CTNNA3: variants seen among roughly 807,000 people sequenced by gnomAD.
The protein encoded by CTNNA3 is catenin alpha-3.
CTNNA3 carries 76 observed loss-of-function variants against 95.7 expected under a neutral mutation model. That is an observed-to-expected ratio of 0.79 (90% confidence interval 0.66 to 0.96). The LOEUF (loss-of-function observed/expected upper bound fraction) is 0.96, where lower values mean the gene tolerates loss of function less well. Among genes scored for constraint, CTNNA3 ranks in the 40% least tolerant of loss-of-function variants. The pLI is 0.00. For synonymous variants in CTNNA3, 431 were observed against 374.4 expected (o/e 1.15, Z -1.74); for missense variants, 1,191 against 1,089.8 (o/e 1.09, Z -1.31).
chr10:66,736,199 T>G (rs900934113), intron 9 of CTNNA3, among the ~76,000 whole-genome samples: 1 of 152,108 alleles, frequency 6.6e-6, no homozygotes, highest in Admixed American at 6.5e-5. Flanking sequence ...TACTTTTTTT[T>G]TTTTTAGACT....
chr10:65,965,718 A>G (rs2133254420), intron 17 of CTNNA3, among the ~76,000 whole-genome samples: 1 of 151,936 alleles, frequency 6.6e-6, no homozygotes, highest in African/African-American at 2.4e-5. Flanking sequence ...TTTGATGGTG[A>G]TCCTTTGTTT....
intron 7 of CTNNA3, among the ~76,000 whole-genome samples, chr10:66,917,243 C>T (rs974394103): frequency 6.6e-6 from 1 of 152,024 alleles, no homozygotes; most frequent in Non-Finnish European, 1.5e-5. Context: ...ATTTGCTACC[C>T]GGGACTAAGT....
intron 5 of CTNNA3, among the ~76,000 whole-genome samples, chr10:67,259,741 C>T (rs1038121225): frequency 6.6e-6 from 1 of 152,154 alleles, no homozygotes; most frequent in Non-Finnish European, 1.5e-5. Flanking sequence ...CAAACATATT[C>T]TCAGTTTCTC....
chr10:66,953,001 T>C (rs1025630584), intron 7 of CTNNA3, among the ~76,000 whole-genome samples: 8 of 152,034 alleles, frequency 5.3e-5, no homozygotes, highest in African/African-American at 1.9e-4. Flanking sequence ...GAGCTATTAA[T>C]ATGATTCCCA....
intron 10 of CTNNA3, among the ~76,000 whole-genome samples, chr10:66,523,492 C>T (rs74141573): frequency 0.017 from 2,599 of 152,226 alleles, 55 homozygotes; most frequent in African/African-American, 0.049. Flanking sequence ...GAAAAATGTT[C>T]ATCCCAATGT....
chr10:67,649,552 TA>T (rs575127318), intron 1 of CTNNA3, among the ~76,000 whole-genome samples: 4 of 152,216 alleles, frequency 2.6e-5, no homozygotes, highest in South Asian at 2.1e-4. Context: ...AAAAATTACT[TA>T]AAAAAAATAA....
At position 67,426,865 on chromosome 10, in the gene CTNNA3, G is replaced by T. The variant is rs75504554; in HGVS notation, c.579+94977C>A. Among the ~76,000 whole-genome samples the T allele has an allele frequency of 3.0e-3, 459 of 151,624 alleles. 1 individual carries two copies. The highest frequency in any genetic ancestry group is 0.011 in the African/African-American group (436 of 41,398). On this transcript the variant is annotated intron_variant, in intron 5 of 17. Coordinates refer to ENST00000433211, the MANE Select transcript of CTNNA3 (RefSeq NM_013266.4). ...ACTTGCAAGGAAATCTTGAAATAAA[G>T]ATGCAATTTAAATAGCTAACTACTT...
rs895546630 is a variant in CTNNA3 at position 66,055,158 on chromosome 10, C to T, written c.2159+14150G>A. Among the ~76,000 whole-genome samples, 11 of 152,080 alleles carry T rather than the reference C, an allele frequency of 7.2e-5. No homozygotes were observed. In the South Asian group the frequency reaches 1.7e-3, roughly 23 times the overall value. On this transcript the variant is annotated intron_variant, in intron 15 of 17. Transcript: ENST00000433211. ...TATAAATTTAAGTCAGGTAATGTGA[C>T]GTCTCCAGCTTCAGTCTTTTTCTCA...
chr10:66,588,421 G>C (rs1189977579), intron 10 of CTNNA3, among the ~76,000 whole-genome samples: 1 of 152,160 alleles, frequency 6.6e-6, no homozygotes, highest in African/African-American at 2.4e-5. Context: ...CTTTCCAAGT[G>C]GGAGAGGCAG....
chr10:66,976,595 G>T (rs1386199663), intron 7 of CTNNA3, among the ~76,000 whole-genome samples: 1 of 152,096 alleles, frequency 6.6e-6, no homozygotes, highest in East Asian at 1.9e-4. Flanking sequence ...AAAGAAAAAT[G>T]GTCATATTCC....
At chr10:65,948,468 G>A (rs1227833818) in intron 17 of CTNNA3, among the ~76,000 whole-genome samples, 1 of 151,800 alleles carries the variant, frequency 6.6e-6, no homozygotes, top group African/African-American at 2.4e-5. Flanking sequence ...GTGACCCAGG[G>A]CTTGACCAAA....
intron 9 of CTNNA3, among the ~76,000 whole-genome samples, chr10:66,723,063 G>T (rs895808964): frequency 1.3e-5 from 2 of 151,604 alleles, no homozygotes; most frequent in East Asian, 2.1e-4. Flanking sequence ...TAGCCACCTT[G>T]TTGGTTTTTA....
chr10:66,553,719 G>A (rs938858422), intron 10 of CTNNA3, among the ~76,000 whole-genome samples: 4 of 151,330 alleles, frequency 2.6e-5, no homozygotes, highest in Non-Finnish European at 4.4e-5. Flanking sequence ...AGTAGAGACA[G>A]GGTTTCACCT....
intron 12 of CTNNA3, among the ~76,000 whole-genome samples, chr10:66,283,444 G>T (rs1270302780): frequency 6.6e-6 from 1 of 151,404 alleles, no homozygotes; most frequent in East Asian, 1.9e-4. Context: ...TGTAGATTTT[G>T]GCAAAAAAAG....
At chr10:66,642,555 C>A (rs1261520173) in intron 9 of CTNNA3, among the ~76,000 whole-genome samples, 1 of 152,146 alleles carries the variant, frequency 6.6e-6, no homozygotes, top group Admixed American at 6.6e-5. Context: ...AACTGCTATA[C>A]AAGCACCTGT....
chr10:66,061,919 C>G (rs2080208941), intron 15 of CTNNA3, among the ~76,000 whole-genome samples: 1 of 152,132 alleles, frequency 6.6e-6, no homozygotes, highest in Non-Finnish European at 1.5e-5. Flanking sequence ...TCTGATGTGT[C>G]AATTTGTTTC....
intron 13 of CTNNA3, among the ~76,000 whole-genome samples, chr10:66,110,774 G>C (rs1233356784): frequency 6.6e-6 from 1 of 151,986 alleles, no homozygotes; most frequent in Non-Finnish European, 1.5e-5. Context: ...TAACAATCAG[G>C]ACACATCCTG....
chr10:66,753,206 C>T (rs1482101666), intron 9 of CTNNA3, among the ~76,000 whole-genome samples: 2 of 152,116 alleles, frequency 1.3e-5, no homozygotes, highest in Non-Finnish European at 2.9e-5. Context: ...CCCAATAAAT[C>T]ACTATTTTCC....
chr10:66,509,310 A>T (rs906689546), intron 11 of CTNNA3, among the ~76,000 whole-genome samples: 1 of 152,026 alleles, frequency 6.6e-6, no homozygotes, highest in African/African-American at 2.4e-5. Flanking sequence ...TAGTTTTTAA[A>T]TATCTTCCCT....
Sources: allele counts gnomAD v4.1 joint callset (sites outside exome capture counted in the v4.1 genomes callset), GRCh38; gene constraint gnomAD v4.1.1; transcripts MANE v1.5; gene names NCBI Gene and HGNC (gene_info 2026-07-23, HGNC 2026-07-21).